The following CCM2 variants were observed in gnomAD, a reference collection of about 807,000 sequenced individuals.
CCM2 encodes the protein cerebral cavernous malformations 2 protein.
Under a neutral mutation model 44.9 loss-of-function variants are expected in CCM2, and 25 were observed. The ratio of observed to expected loss-of-function variants is 0.56; its 90% CI spans 0.41 to 0.78. CCM2 has a LOEUF of 0.78. Ranked by LOEUF, CCM2 falls within the 30% of genes least tolerant of loss-of-function variation. The probability of loss-of-function intolerance (pLI) is 0.00; values close to 1 mark genes in which losing one functional copy is unlikely to be tolerated. For missense variants in CCM2, 481 were observed against 580.6 expected (o/e 0.83, Z 1.76); for synonymous variants, 219 against 241.1 (o/e 0.91, Z 0.85).
At chr7:45,054,802 G>A (rs143362890) in intron 2 of CCM2, among the ~76,000 whole-genome samples, 16 of 152,356 alleles carry the variant, frequency 1.1e-4, no homozygotes, top group Middle Eastern at 3.4e-3. Context: ...TGTGGGCTGG[G>A]CATGGCATTG....
At chr7:45,025,773 A>C (rs1796663832) in intron 1 of CCM2, among the ~76,000 whole-genome samples, 2 of 152,198 alleles carry the variant, frequency 1.3e-5, no homozygotes, top group Non-Finnish European at 2.9e-5. Flanking sequence ...ACCTCAGGTG[A>C]TCTGCCCACC....
At position 45,010,605 on chromosome 7, in the gene CCM2, A is replaced by T. The variant is rs559097854; in HGVS notation, c.30+10242A>T. On this transcript the variant is annotated intron_variant, in intron 1 of 9. Transcript: ENST00000258781. ...CTTTCTAGTTTGTGTATATATATAT[A>T]TATTTTTTTGAGATGGAGTTTTGCT... Among the ~76,000 whole-genome samples the T allele has an allele frequency of 5.5e-4, 83 of 151,584 alleles. No individual in the cohort carries two copies. In the South Asian group the frequency reaches 8.2e-3, roughly 15 times the overall value.
At chr7:45,072,831 C>A (rs374803203) in intron 7 of CCM2, 48 bp downstream of exon 7, 17 of 1,493,832 alleles carry the variant, frequency 1.1e-5, no homozygotes, top group Non-Finnish European at 1.6e-5. Flanking sequence ...GCACCAAATG[C>A]GTTGTCTGGT....
At chr7:45,000,457 G>GGGT (rs1554353537) in intron 1 of CCM2, 94 bp downstream of exon 1, 1 of 337,226 alleles carries the variant, frequency 3.0e-6, no homozygotes. Context: ...TGGGGCCCGG[G>GGGT]GGGGGGGGCA....
At chr7:45,012,678 C>G (rs1462089694) in intron 1 of CCM2, among the ~76,000 whole-genome samples, 1 of 152,004 alleles carries the variant, frequency 6.6e-6, no homozygotes, top group African/African-American at 2.4e-5. Flanking sequence ...CCTCAGCCTC[C>G]CAGGTAGCTG....
intron 1 of CCM2, among the ~76,000 whole-genome samples, chr7:45,007,329 G>A (rs10274813): frequency 0.082 from 12,501 of 152,184 alleles, 1,190 homozygotes; most frequent in African/African-American, 0.23. Flanking sequence ...TGCATGCATC[G>A]CTGTGTCCTT....
At chr7:45,071,055 G>A (rs549626121) in intron 6 of CCM2, 2 of 152,328 alleles carry the variant, frequency 1.3e-5, no homozygotes, top group Non-Finnish European at 2.9e-5. Flanking sequence ...AGAGACAGCT[G>A]CTGAGCTCTC....
At chr7:45,014,870 C>G (rs1320574014) in intron 1 of CCM2, among the ~76,000 whole-genome samples, 1 of 152,172 alleles carries the variant, frequency 6.6e-6, no homozygotes, top group African/African-American at 2.4e-5. Context: ...GATCGGCCCA[C>G]CTCAGCCTCC....
At chr7:45,070,466 G>A (rs1355913919) in intron 6 of CCM2, 1 of 456,384 alleles carries the variant, frequency 2.2e-6, no homozygotes, top group East Asian at 7.0e-5. Context: ...GTGGCAGATG[G>A]GGAAGAATGG....
At chr7:45,040,450 GAA>G (rs1432790187) in intron 2 of CCM2, among the ~76,000 whole-genome samples, 1 of 151,860 alleles carries the variant, frequency 6.6e-6, no homozygotes, top group African/African-American at 2.4e-5. Context: ...CAAAAGATGA[GAA>G]AGAGAAATGA....
chr7:45,061,263 G>A (rs774189273), intron 2 of CCM2, among the ~76,000 whole-genome samples: 5 of 152,198 alleles, frequency 3.3e-5, no homozygotes, highest in East Asian at 1.9e-4. Flanking sequence ...TCCCTGGGCC[G>A]TGGCCTTCAC....
chr7:45,039,128 T>C (rs1797361223), intron 2 of CCM2, among the ~76,000 whole-genome samples: 1 of 152,080 alleles, frequency 6.6e-6, no homozygotes, highest in Non-Finnish European at 1.5e-5. Context: ...AGTTCGAATG[T>C]CCATGGGAGG....
chr7:45,018,155 A>T (rs1003279368), intron 1 of CCM2, among the ~76,000 whole-genome samples: 1 of 152,070 alleles, frequency 6.6e-6, no homozygotes, highest in African/African-American at 2.4e-5. Context: ...CTCTTATGAG[A>T]ATCTAATGCA....
intron 2 of CCM2, among the ~76,000 whole-genome samples, chr7:45,054,130 C>T (rs768654875): frequency 6.6e-6 from 1 of 152,216 alleles, no homozygotes; most frequent in Non-Finnish European, 1.5e-5. Context: ...TCTGTCAGAA[C>T]TCGTTAGACA....
chr7:45,035,087 G>A (rs1261898948), intron 1 of CCM2, among the ~76,000 whole-genome samples: 7 of 151,766 alleles, frequency 4.6e-5, no homozygotes, highest in Admixed American at 2.0e-4. Flanking sequence ...TACCCACCTC[G>A]GCCTCCCAAA....
At chr7:45,034,633 C>G (rs1300731391) in intron 1 of CCM2, among the ~76,000 whole-genome samples, 1 of 148,312 alleles carries the variant, frequency 6.7e-6, no homozygotes, top group East Asian at 2.0e-4. Context: ...ATTCTCCTGC[C>G]TCAGCCTCCC....
intron 2 of CCM2, among the ~76,000 whole-genome samples, chr7:45,046,351 A>G (rs1397102372): frequency 1.3e-5 from 2 of 152,274 alleles, no homozygotes; most frequent in Non-Finnish European, 2.9e-5. Flanking sequence ...ATTTCAAGAT[A>G]GATCATACTG....
In CCM2 at chr7:45,001,716, G is replaced by T. The variant is rs138559074; in HGVS notation, c.30+1353G>T. Among the ~76,000 whole-genome samples the T allele has an allele frequency of 1.4e-3, 219 of 152,220 alleles. 1 individual carries two copies. Among genetic ancestry groups the T allele is most frequent in the African/African-American group, 4.9e-3 (203 of 41,522 alleles). The stretch of plus-strand genomic sequence containing the variant: ...GAATTGAGTGATTTTTTTTTCTAGA[G>T]CTGTCTATCAGCTTTGGTAGAAACA... On this transcript the variant is annotated intron_variant, in intron 1 of 9. Transcript: ENST00000258781.
chr7:45,007,128 GC>G (rs1374772568), intron 1 of CCM2, among the ~76,000 whole-genome samples: 1 of 152,208 alleles, frequency 6.6e-6, no homozygotes, highest in Non-Finnish European at 1.5e-5. Context: ...CCACGGACGA[GC>G]TGCTCAGAGT....
Sources: gnomAD v4.1 joint callset for allele counts (sites outside exome capture counted in the v4.1 genomes callset) on GRCh38, gnomAD v4.1.1 for gene constraint, MANE v1.5 for transcripts, NCBI Gene and HGNC (gene_info 2026-07-23, HGNC 2026-07-21) for gene names.